Variants in SPIRE2 observed in about 807,000 individuals in gnomAD.
The protein encoded by SPIRE2 is protein spire homolog 2.
Under a neutral mutation model 80.7 loss-of-function variants are expected in SPIRE2, and 76 were observed. The observed-to-expected ratio is 0.94, with a 90% CI of 0.78 to 1.14. The LOEUF (loss-of-function observed/expected upper bound fraction) is 1.14. Ranked by LOEUF, SPIRE2 falls within the 50% of genes most tolerant of loss-of-function variation. SPIRE2 has a pLI of 0.00. For synonymous variants in SPIRE2, 535 were observed against 432.6 expected (o/e 1.24, Z -2.94); for missense variants, 1,196 against 1,015.3 (o/e 1.18, Z -2.42).
At chr16:89,835,138 G>A (rs1157566812) in intron 1 of SPIRE2, among the ~76,000 whole-genome samples, 1 of 150,794 alleles carries the variant, frequency 6.6e-6, no homozygotes, top group Non-Finnish European at 1.5e-5. Context: ...CTGTGAACCT[G>A]CCCGCACTCA....
In SPIRE2 at chr16:89,854,577, G is replaced by A. The variant is rs140370621; in HGVS notation, c.817G>A (p.Glu273Lys). The change falls in exon 5 of 15, where the codon GAG (glutamate) becomes AAG (lysine). Residue 273 changes from glutamate to lysine, a missense_variant. Coordinates refer to ENST00000378247, the MANE Select transcript of SPIRE2 (RefSeq NM_032451.2). Reference sequence around the variant, plus strand: ...GCAGGAGTTCAACCCCCTCCCCACCGAGTTCCAGCTCACGCCCTTCGAGAT... The same window carrying A: ...GCAGGAGTTCAACCCCCTCCCCACCAAGTTCCAGCTCACGCCCTTCGAGAT... ...QEQEFNPLPT[E>K]FQLTPFEMLM... 1.5e-5 allele frequency: 24 copies of A among 1,612,406 alleles called. No individual in the cohort carries two copies. The highest frequency in any genetic ancestry group is 6.6e-5 in the South Asian group (6 of 91,080).
chr16:89,856,275 C>G (rs1172300880), intron 7 of SPIRE2, 39 bp downstream of exon 7: 12 of 1,536,306 alleles, frequency 7.8e-6, no homozygotes, highest in Non-Finnish European at 9.7e-6. Context: ...GCCCTGAGCC[C>G]CCGGCTGGGG....
At chr16:89,861,523 G>A (rs1313473685) in intron 10 of SPIRE2, among the ~76,000 whole-genome samples, 5 of 152,234 alleles carry the variant, frequency 3.3e-5, no homozygotes, top group Admixed American at 2.6e-4. Context: ...GGCAGGGCTT[G>A]CCCCGTTAGC....
At chr16:89,842,386 T>G (rs1176561520) in intron 1 of SPIRE2, among the ~76,000 whole-genome samples, 1 of 151,902 alleles carries the variant, frequency 6.6e-6, no homozygotes, top group Non-Finnish European at 1.5e-5. Context: ...CTAATTTTTG[T>G]ATTTTTAGTA....
chr16:89,859,303 C>G lies in SPIRE2; in HGVS notation c.1411C>G (p.Arg471Gly). ...CCCCCCAGGAGGGACGGAGCCACCACGGCCCCGAGCTGGCAGTGCGCATGT... is the reference window on the plus strand; with the variant it reads ...CCCCCCAGGAGGGACGGAGCCACCAGGGCCCCGAGCTGGCAGTGCGCATGT... ...THPPGGTEPPRPRAGSAHVWR... is the reference protein window; with the variant it reads ...THPPGGTEPPGPRAGSAHVWR... Residue 471 changes from arginine to glycine, a missense_variant, in exon 9 of 15, where the codon CGG becomes GGG. Coordinates refer to ENST00000378247, the MANE Select transcript of SPIRE2 (RefSeq NM_032451.2). 1 of 1,597,758 alleles carries G rather than the reference C, an allele frequency of 6.3e-7. No individual in the cohort carries two copies. The highest frequency in any genetic ancestry group is 8.5e-7 in the Non-Finnish European group (1 of 1,177,072).
intron 1 of SPIRE2, among the ~76,000 whole-genome samples, chr16:89,842,825 C>A (rs1481105910): frequency 6.6e-6 from 1 of 152,214 alleles, no homozygotes; most frequent in East Asian, 1.9e-4. Context: ...GCCCTGGGGA[C>A]CCACACCCCC....
intron 2 of SPIRE2, chr16:89,845,663 C>T (rs534000008): frequency 2.2e-5 from 15 of 694,042 alleles, no homozygotes; most frequent in South Asian, 6.0e-5. Flanking sequence ...TCTGCAGGGC[C>T]GGCCTCCCAG....
At chr16:89,855,967 G>A (rs1056889208) in intron 6 of SPIRE2, 146 bp from the exon 7 acceptor site, 38 of 1,396,284 alleles carry the variant, frequency 2.7e-5, no homozygotes, top group Admixed American at 1.7e-4. Context: ...CACTCCCTCC[G>A]GGTGGGCCTG....
chr16:89,858,451 C>G lies in SPIRE2; in HGVS notation c.1216C>G (p.Arg406Gly). 6.2e-6 allele frequency: 10 copies of G among 1,610,954 alleles called. No homozygotes were observed. Among genetic ancestry groups the G allele is most frequent in the Non-Finnish European group, 8.5e-6 (10 of 1,179,216 alleles). ...GGGCAGCGCCCAGCGCCCGCGGCCCCGCGTGCTGCTCAAGGCGCCTACCTT... is the reference window on the plus strand; with the variant it reads ...GGGCAGCGCCCAGCGCCCGCGGCCCGGCGTGCTGCTCAAGGCGCCTACCTT... ...AGGSAQRPRP[R>G]VLLKAPTLAE... The change falls in exon 8 of 15, where the codon CGC (arginine) becomes GGC (glycine). Residue 406 changes from arginine (R) to glycine (G), a missense_variant. By Grantham distance (125) the Arg-to-Gly change is moderately radical. Transcript: ENST00000378247.
At chr16:89,842,550 C>T (rs559156035) in intron 1 of SPIRE2, among the ~76,000 whole-genome samples, 18 of 152,230 alleles carry the variant, frequency 1.2e-4, no homozygotes, top group African/African-American at 4.3e-4. Flanking sequence ...TTTTGTTAAC[C>T]TATGGAGTAT....
intron 12 of SPIRE2, among the ~76,000 whole-genome samples, chr16:89,864,247 C>T (rs567430997): frequency 1.2e-4 from 18 of 152,238 alleles, no homozygotes; most frequent in African/African-American, 4.3e-4. Flanking sequence ...CCGGACTCCC[C>T]AGATGGAGGA....
chr16:89,831,255 G>A (rs1257707713), intron 1 of SPIRE2, among the ~76,000 whole-genome samples: 1 of 150,834 alleles, frequency 6.6e-6, no homozygotes, highest in Non-Finnish European at 1.5e-5. Context: ...ATGAGGGTCT[G>A]TGTGGTCCAT....
intron 2 of SPIRE2, chr16:89,847,230 G>A (rs1256751896): frequency 1.3e-5 from 2 of 152,256 alleles, no homozygotes; most frequent in Admixed American, 6.5e-5. Flanking sequence ...TAGACTGCAT[G>A]CGCTCAGGTT....
intron 1 of SPIRE2, among the ~76,000 whole-genome samples, chr16:89,841,685 G>A (rs2041507242): frequency 6.6e-6 from 1 of 152,066 alleles, no homozygotes; most frequent in Non-Finnish European, 1.5e-5. Context: ...TGCGCAGATA[G>A]AGGCCACGGT....
At chr16:89,839,155 CAT>C (rs1223706941) in intron 1 of SPIRE2, among the ~76,000 whole-genome samples, 1 of 152,026 alleles carries the variant, frequency 6.6e-6, no homozygotes, top group Non-Finnish European at 1.5e-5. Context: ...TCCTGGCTAA[CAT>C]GGTGAAACCC....
intron 12 of SPIRE2, among the ~76,000 whole-genome samples, 154 bp from the exon 13 acceptor site, chr16:89,868,034 AT>A (rs2041805019): frequency 6.6e-6 from 1 of 152,224 alleles, no homozygotes; most frequent in African/African-American, 2.4e-5. Context: ...GAAAAGCAAG[AT>A]TTTGGAGTAA....
Position 89,863,421 on chromosome 16 carries a change from G to A in SPIRE2, c.1576-55G>A, listed in dbSNP as rs1305536183. On this transcript the variant is annotated intron_variant, in intron 10 of 14. Coordinates refer to ENST00000378247, the MANE Select transcript of SPIRE2 (RefSeq NM_032451.2). The surrounding 1 kb of genome is among the most constrained non-coding windows in gnomAD (Gnocchi z 4.3). ...GGGTTAGGGTCCTCAGGGAAGGAGA[G>A]TAAGCTAGGGGAGCCTCCTGCATAG... 53 of 1,605,800 alleles carry A rather than the reference G, an allele frequency of 3.3e-5. No homozygotes were observed. In the East Asian group the frequency reaches 1.2e-3, roughly 35 times the overall value.
At chr16:89,849,653 G>C (rs1356629705) in intron 2 of SPIRE2, among the ~76,000 whole-genome samples, 1 of 152,130 alleles carries the variant, frequency 6.6e-6, no homozygotes, top group African/African-American at 2.4e-5. Flanking sequence ...CTGTGGGCCT[G>C]GAAGTCGGTG....
At chr16:89,842,167 A>C (rs985706643) in intron 1 of SPIRE2, among the ~76,000 whole-genome samples, 11 of 150,988 alleles carry the variant, frequency 7.3e-5, no homozygotes, top group South Asian at 2.1e-4. Context: ...AGACACCCCA[A>C]GTCTTTGCAG....
Sources: allele counts gnomAD v4.1 joint callset (sites outside exome capture counted in the v4.1 genomes callset), GRCh38; gene constraint gnomAD v4.1.1; non-coding constraint Gnocchi (gnomAD v3.1); transcripts MANE v1.5; gene names NCBI Gene and HGNC (gene_info 2026-07-23, HGNC 2026-07-21).